The following RABGAP1L variants were observed in gnomAD, a reference collection of about 807,000 sequenced individuals.
The protein encoded by RABGAP1L is RAB GTPase activating protein 1 like, also known as rab GTPase-activating protein 1-like.
In RABGAP1L, 63 loss-of-function variants were observed where a neutral mutation model predicts 137.7. The observed-to-expected ratio is 0.46, with a 90% confidence interval of 0.37 to 0.56. RABGAP1L has a LOEUF of 0.56. RABGAP1L is among the 20% of genes least tolerant of loss of function. The pLI is 0.00. For missense variants in RABGAP1L, 1,095 were observed against 1,244.0 expected, an observed-to-expected ratio of 0.88 and a Z score of 1.80; for synonymous variants, 431 against 433.7, an observed-to-expected ratio of 0.99 and a Z score of 0.08.
intron 19 of RABGAP1L, among the ~76,000 whole-genome samples, chr1:174,902,744 G>T (rs540677378): frequency 5.9e-5 from 9 of 152,254 alleles, no homozygotes; most frequent in African/African-American, 2.2e-4. Flanking sequence ...AGTTTCTTTT[G>T]GCTCTATGCC....
chr1:174,944,403 G>A (rs979454486), intron 19 of RABGAP1L, among the ~76,000 whole-genome samples: 1 of 151,926 alleles, frequency 6.6e-6, no homozygotes, highest in African/African-American at 2.4e-5. Context: ...CAGCACTTTG[G>A]GAGGCCAAAG....
chr1:174,667,503 A>G (rs1361920147), intron 14 of RABGAP1L, among the ~76,000 whole-genome samples: 1 of 152,228 alleles, frequency 6.6e-6, no homozygotes, highest in Non-Finnish European at 1.5e-5. Context: ...TTGTGAGATT[A>G]AATGAGAACA....
At chr1:174,397,411 G>C (rs1159904584) in intron 13 of RABGAP1L, among the ~76,000 whole-genome samples, 2 of 152,044 alleles carry the variant, frequency 1.3e-5, no homozygotes, top group African/African-American at 4.8e-5. Context: ...TTCACTCTGG[G>C]GTTACTGTTT....
intron 14 of RABGAP1L, among the ~76,000 whole-genome samples, chr1:174,640,972 A>G (rs1202510567): frequency 1.1e-5 from 1 of 95,104 alleles, no homozygotes; most frequent in Non-Finnish European, 1.9e-5. Flanking sequence ...ATTTAATTAT[A>G]TTAATTAAAT....
chr1:174,965,085 CAGCTGTACATCTCCT>C lies in RABGAP1L; in HGVS notation c.2434-4190_2434-4176del, dbSNP rs1669499578. Reference sequence around the variant, plus strand: ...CCAAAAGTTACTAACCAAACTTTCCCAGCTGTACATCTCCTATCCATAAGGGGTGAAACTATGAGG... The same window carrying C: ...CCAAAAGTTACTAACCAAACTTTCCCATCCATAAGGGGTGAAACTATGAGG... On this transcript the variant is annotated intron_variant, in intron 20 of 25. Coordinates refer to ENST00000681986, the MANE Select transcript of RABGAP1L (RefSeq NM_001366446.1). 59 of 813,498 alleles carry C rather than the reference CAGCTGTACATCTCCT, an allele frequency of 7.3e-5. 1 individual carries two copies. In the South Asian group the frequency reaches 9.6e-4, roughly 13 times the overall value. The allele number at this position is 813,498 out of a possible 1,614,324, so 50.4% of individuals were successfully genotyped here.
intron 19 of RABGAP1L, among the ~76,000 whole-genome samples, chr1:174,932,611 A>G (rs1411300771): frequency 2.6e-5 from 4 of 152,162 alleles, no homozygotes; most frequent in Admixed American, 6.6e-5. Flanking sequence ...AAGTTGCTCT[A>G]TTCCCCTTCC....
intron 19 of RABGAP1L, chr1:174,875,395 C>A (rs745966454): frequency 3.3e-5 from 9 of 271,612 alleles, no homozygotes; most frequent in Non-Finnish European, 5.1e-5. Flanking sequence ...ATGCACTCTC[C>A]CAGGGTGCAT....
intron 8 of RABGAP1L, 126 bp from the exon 9 acceptor site, chr1:174,275,707 A>C (rs1022451204): frequency 1.7e-6 from 1 of 584,954 alleles, no homozygotes; most frequent in Non-Finnish European, 2.9e-6. Context: ...TTTACAGTGA[A>C]TATAAAGCTC....
At chr1:174,242,978 A>G (rs1254825124) in intron 5 of RABGAP1L, 1 of 152,152 alleles carries the variant, frequency 6.6e-6, no homozygotes, top group African/African-American at 2.4e-5. Context: ...GAACTCCACT[A>G]CAGAGGTGGG....
intron 19 of RABGAP1L, among the ~76,000 whole-genome samples, chr1:174,912,581 TA>T (rs2149200663): frequency 6.6e-6 from 1 of 152,348 alleles, no homozygotes; most frequent in East Asian, 1.9e-4. Flanking sequence ...CAGCTGTGTC[TA>T]ATCTGATAAG....
chr1:174,626,977 G>C (rs984608978), intron 13 of RABGAP1L, among the ~76,000 whole-genome samples: 2 of 152,128 alleles, frequency 1.3e-5, no homozygotes, highest in Non-Finnish European at 2.9e-5. Context: ...TTTCAGCTTT[G>C]AATTATTTAT....
chr1:174,333,730 A>G (rs902220960), intron 11 of RABGAP1L, among the ~76,000 whole-genome samples: 22 of 152,266 alleles, frequency 1.4e-4, no homozygotes, highest in African/African-American at 5.3e-4. Flanking sequence ...AGTTTTTATT[A>G]GGGTAGGGCA....
At chr1:174,370,244 A>G (rs1330543310) in intron 11 of RABGAP1L, among the ~76,000 whole-genome samples, 1 of 152,140 alleles carries the variant, frequency 6.6e-6, no homozygotes, top group Non-Finnish European at 1.5e-5. Flanking sequence ...AGACTATTTT[A>G]TAATAGGTAC....
intron 13 of RABGAP1L, among the ~76,000 whole-genome samples, chr1:174,475,455 C>A (rs1196467771): frequency 1.3e-5 from 2 of 151,952 alleles, no homozygotes; most frequent in African/African-American, 4.8e-5. Flanking sequence ...TTTTTTGTTA[C>A]AATGCCAGGG....
At chr1:174,672,492 T>C (rs1189826571) in intron 14 of RABGAP1L, among the ~76,000 whole-genome samples, 2 of 151,890 alleles carry the variant, frequency 1.3e-5, no homozygotes, top group East Asian at 1.9e-4. Flanking sequence ...TTATTTTCTT[T>C]CTTCTGCTAA....
At chr1:174,642,758 CCCCTCTCT>C (rs1158708399) in intron 14 of RABGAP1L, among the ~76,000 whole-genome samples, 3 of 106,582 alleles carry the variant, frequency 2.8e-5, no homozygotes, top group African/African-American at 1.1e-4. Context: ...TCCCCTTCTT[CCCCTCTCT>C]CCCTCTCCCC....
intron 18 of RABGAP1L, among the ~76,000 whole-genome samples, chr1:174,783,361 C>G (rs2148771544): frequency 6.6e-6 from 1 of 152,198 alleles, no homozygotes; most frequent in African/African-American, 2.4e-5. Flanking sequence ...GCCAAGAACC[C>G]CAGGCCGGAG....
chr1:174,845,289 T>C (rs1287647890), intron 19 of RABGAP1L, among the ~76,000 whole-genome samples: 1 of 114,098 alleles, frequency 8.8e-6, no homozygotes, highest in Admixed American at 9.8e-5. Context: ...AGAGAGGGCA[T>C]CCCTGTCTTG....
At chr1:174,238,765 G>T (rs1239551764) in intron 4 of RABGAP1L, 1 of 151,002 alleles carries the variant, frequency 6.6e-6, no homozygotes, top group Admixed American at 6.6e-5. Flanking sequence ...ACAGAGGCAG[G>T]CAGGCCTCCT....
Sources: gnomAD v4.1 joint callset for allele counts (sites outside exome capture counted in the v4.1 genomes callset) on GRCh38, gnomAD v4.1.1 for gene constraint, MANE v1.5 for transcripts, NCBI Gene and HGNC (gene_info 2026-07-23, HGNC 2026-07-21) for gene names.